Variants in POLRMT observed in about 807,000 individuals in gnomAD.
POLRMT encodes DNA-directed RNA polymerase, mitochondrial.
A neutral mutation model predicts 132.2 loss-of-function variants in POLRMT; 114 were observed. That is an observed-to-expected ratio of 0.86 (90% CI 0.74 to 1.01). The LOEUF (loss-of-function observed/expected upper bound fraction) is 1.01. POLRMT is among the 50% of genes least tolerant of loss of function. The pLI, the probability that POLRMT is intolerant of heterozygous loss-of-function variation, is 0.00. For missense variants in POLRMT, 2,003 were observed against 1,729.1 expected, an observed-to-expected ratio of 1.16 and a Z score of -2.81; for synonymous variants, 1,020 against 773.4, an observed-to-expected ratio of 1.32 and a Z score of -5.29.
chr19:630,317 G>GT (rs1281542684), intron 2 of POLRMT, 149 bp from the exon 3 acceptor site: 51 of 955,296 alleles, frequency 5.3e-5, no homozygotes, highest in Non-Finnish European at 7.3e-5. Context: ...CAACAACGTT[G>GT]TAAGGTCTGC....
chr19:622,095 T>A (rs1984655639), intron 9 of POLRMT, 54 bp downstream of exon 9: 11 of 1,457,700 alleles, frequency 7.5e-6, no homozygotes, highest in Non-Finnish European at 9.2e-6. Flanking sequence ...CCCCATGGGG[T>A]CCCTGGTCCT....
In POLRMT at chr19:620,439, A is replaced by T; in HGVS notation, c.2689T>A (p.Cys897Ser). ...ACAGCGTTCGCCACCTCCATACAGCAGGCCAGCGTCTGCCAGGGTTCCTCC... is the reference window on the plus strand; with the variant it reads ...ACAGCGTTCGCCACCTCCATACAGCTGGCCAGCGTCTGCCAGGGTTCCTCC... ...GAEEPWQTLA[C>S]CMEVANAVRA... The change falls in exon 11 of 21, where the codon TGC (cysteine) becomes AGC (serine). Residue 897 changes from cysteine to serine, a missense_variant. Coordinates refer to ENST00000588649, the MANE Select transcript of POLRMT (RefSeq NM_005035.4). 1 of 1,599,296 alleles carries T rather than the reference A, an allele frequency of 6.3e-7. No homozygotes were observed.
intron 13 of POLRMT, 71 bp downstream of exon 13, chr19:619,515 G>A (rs1409125095): frequency 1.3e-5 from 20 of 1,574,822 alleles, no homozygotes; most frequent in Admixed American, 3.4e-5. Context: ...AGGCTGGGTC[G>A]GGGGCACACC....
chr19:622,053 G>T, intron 9 of POLRMT, 96 bp downstream of exon 9: 1 of 1,251,168 alleles, frequency 8.0e-7, no homozygotes, highest in Non-Finnish European at 1.1e-6. Context: ...TGACGGCTGC[G>T]CTGAGATCAA....
In POLRMT at chr19:621,008, AGGGCGCGGGGGTG is replaced by A. The variant is rs754028190; in HGVS notation, c.2640+37_2640+49del. On this transcript the variant is annotated intron_variant, in intron 10 of 20. Transcript: ENST00000588649. ...GGGGAGGGCGCGGGGGCGCCGGGGGAGGGCGCGGGGGTGCCGGGAGGGCGGGGAATGCGGGGGC... is the reference window on the plus strand; with the variant it reads ...GGGGAGGGCGCGGGGGCGCCGGGGGACCGGGAGGGCGGGGAATGCGGGGGC... 5 of 811,310 alleles carry A rather than the reference AGGGCGCGGGGGTG, an allele frequency of 6.2e-6. No individual in the cohort carries two copies. In the South Asian group the frequency reaches 1.0e-4, roughly 17 times the overall value. The allele number at this position is 811,310 out of a possible 1,614,324, so 50.3% of individuals were successfully genotyped here. A position where few individuals can be genotyped will look rare whatever the true frequency, so the allele number is the denominator to read the frequency against.
rs1289352818 is a variant in POLRMT at position 619,692 on chromosome 19, C to A, written c.2960G>T (p.Arg987Leu). The A allele has an allele frequency of 1.9e-6, 3 of 1,609,196 alleles. No homozygotes were observed. The highest frequency in any genetic ancestry group is 1.1e-5 in the South Asian group (1 of 90,894). ...VAQVLEGFIT[R>L]KVVKQTVMTV... ...CATCACCGTCTGCTTCACCACCTTG[C>A]GGGTGATGAAACCTTCCAGCACCTG... The change falls in exon 13 of 21, where the codon CGC becomes CTC. Residue 987 changes from arginine (R) to leucine (L), a missense_variant. Transcript: ENST00000588649.
rs774951851 is a variant in POLRMT at position 621,133 on chromosome 19, C to T, written c.2565G>A (p.Glu855=). 3.7e-6 allele frequency: 6 copies of T among 1,611,024 alleles called. No homozygotes were observed. Among genetic ancestry groups the T allele is most frequent in the Non-Finnish European group, 5.1e-6 (6 of 1,178,794 alleles). ...CAAAGGCCAGGCGCTTCCGCAGCGG[C>T]TCCCGCTTCTTCAACCCCGTGAGAT... The part of the protein sequence containing the change: ...LVNLTGLKKR[E]PLRKRLAFAE... Residue 855 remains glutamate (E), a synonymous_variant, in exon 10 of 21, where the codon GAG becomes GAA. Coordinates refer to ENST00000588649, the MANE Select transcript of POLRMT (RefSeq NM_005035.4).
At chr19:630,913 T>G (rs755617646) in intron 2 of POLRMT, among the ~76,000 whole-genome samples, 1 of 152,182 alleles carries the variant, frequency 6.6e-6, no homozygotes, top group Non-Finnish European at 1.5e-5. Context: ...ATCCCAGCAC[T>G]TTGGGAGGCC....
At chr19:633,240 TCAGACTGCACGGA>T (rs1985559096) in intron 1 of POLRMT, 172 bp downstream of exon 1, 1 of 745,806 alleles carries the variant, frequency 1.3e-6, no homozygotes, top group African/African-American at 1.9e-5. Context: ...GAGTCAAAGG[TCAGACTGCACGGA>T]GGAGCCTCAG....
intron 11 of POLRMT, 81 bp downstream of exon 11, chr19:620,284 G>T: frequency 6.8e-7 from 1 of 1,470,240 alleles, no homozygotes; most frequent in South Asian, 1.4e-5. Context: ...CACGAGCGAA[G>T]GTGAAATCTC....
In POLRMT at chr19:632,853, GC is replaced by G; in HGVS notation, c.173del (p.Gly58AlafsTer26). ...EQDQDRRKDW[G>X]HVELLEVLQA... ...GCTCACCCTCCAGCAGCTCCACGTG[GC>G]CCCAGTCCTTCCTGCGGTCTTGGTC... On this transcript the variant is annotated frameshift_variant, in exon 2 of 21. Coordinates refer to ENST00000588649, the MANE Select transcript of POLRMT (RefSeq NM_005035.4). LOFTEE classifies it high-confidence loss of function. 1 of 1,546,300 alleles carries G rather than the reference GC, an allele frequency of 6.5e-7. No homozygotes were observed. The highest frequency in any genetic ancestry group is 8.7e-7 in the Non-Finnish European group (1 of 1,148,812).
chr19:617,806 G>A lies in POLRMT; in HGVS notation c.3466C>T (p.His1156Tyr), dbSNP rs761217365. Residue 1156 changes from histidine (H) to tyrosine (Y), a missense_variant, in exon 18 of 21, where the codon CAC becomes TAC. Transcript: ENST00000588649. ...FVSVHDCYWT[H>Y]AADVSVMNQV... is the part of the protein sequence containing the mutation. The stretch of plus-strand genomic sequence containing the variant: ...TTCATGACGGAGACATCAGCTGCGT[G>A]AGTCCAGTAACAGTCGTGCACAGAG... 13 of 1,613,272 alleles carry A rather than the reference G, an allele frequency of 8.1e-6. No homozygotes were observed. Among genetic ancestry groups the A allele is most frequent in the Non-Finnish European group, 1.0e-5 (12 of 1,179,946 alleles).
rs770661798 is a variant in POLRMT, at chr19:630,020, G to A, written c.342C>T (p.Ala114=). Residue 114 remains alanine (A), a synonymous_variant, in exon 3 of 21, where the codon GCC becomes GCT. Transcript: ENST00000588649. The stretch of plus-strand genomic sequence containing the variant: ...CCCAGCGGCCACAGGGCACCGGGGT[G>A]GCATCCTTGGCCCCCATCTGGACCT... ...PRKVQMGAKD[A]TPVPCGRWAK... The A allele has an allele frequency of 1.2e-6, 2 of 1,613,828 alleles. No individual in the cohort carries two copies. Among genetic ancestry groups the A allele is most frequent in the South Asian group, 2.2e-5 (2 of 91,072 alleles).
At chr19:632,581 C>T (rs896229445) in intron 2 of POLRMT, among the ~76,000 whole-genome samples, 21 of 151,790 alleles carry the variant, frequency 1.4e-4, no homozygotes, top group Non-Finnish European at 2.4e-4. Flanking sequence ...TCACCTATGT[C>T]CCTGGAAAGT....
At chr19:628,634 G>GA (rs1555677190) in intron 3 of POLRMT, among the ~76,000 whole-genome samples, 1 of 149,086 alleles carries the variant, frequency 6.7e-6, no homozygotes, top group Non-Finnish European at 1.5e-5. Flanking sequence ...AGGATCATGG[G>GA]GGGGGAGAAA....
chr19:624,432 C>G lies in POLRMT; in HGVS notation c.1140+287G>C, dbSNP rs569124706. On this transcript the variant is annotated intron_variant, in intron 5 of 20. Transcript: ENST00000588649. The stretch of plus-strand genomic sequence containing the variant: ...GAATTACACCTCAGTAACAGACGAG[C>G]CCACTGCGTGCACCTGGCAGCCCCA... 3.3e-4 allele frequency among the ~76,000 whole-genome samples: 51 copies of G among 152,300 alleles called. 1 individual carries two copies. Among genetic ancestry groups the G allele is most frequent in the African/African-American group, 1.2e-3 (49 of 41,568 alleles).
intron 3 of POLRMT, chr19:625,638 G>A (rs1415074426): frequency 5.7e-6 from 1 of 173,930 alleles, no homozygotes; most frequent in Non-Finnish European, 1.2e-5. Flanking sequence ...CTTGCTTTAG[G>A]TTTAGTGACA....
At chr19:620,685 T>G (rs1984459692) in intron 10 of POLRMT, among the ~76,000 whole-genome samples, 198 bp from the exon 11 acceptor site, 1 of 134,936 alleles carries the variant, frequency 7.4e-6, no homozygotes, top group South Asian at 2.4e-4. Flanking sequence ...GAGCTGCGGG[T>G]GGACCGGGCT....
At position 623,427 on chromosome 19, in the gene POLRMT, G is replaced by A. The variant is rs759241751; in HGVS notation, c.1290+27C>T. ...CGACCCCGGCTCAGCCCCTGCGGCG[G>A]ACACGGGACCCCGGCTCAGCCCCTA... is the stretch of plus-strand genomic sequence containing the variant. On this transcript the variant is annotated intron_variant, in intron 6 of 20. Coordinates refer to ENST00000588649, the MANE Select transcript of POLRMT (RefSeq NM_005035.4). The A allele has an allele frequency of 1.9e-6, 3 of 1,606,874 alleles. No homozygotes were observed. The Admixed American group carries it at 5.0e-5, about 27-fold the overall frequency.
Sources: allele counts gnomAD v4.1 joint callset (sites outside exome capture counted in the v4.1 genomes callset), GRCh38; gene constraint gnomAD v4.1.1; transcripts MANE v1.5; gene names NCBI Gene and HGNC (gene_info 2026-07-23, HGNC 2026-07-21).